The following NDUFA12 variants were observed in gnomAD, a reference collection of about 807,000 sequenced individuals.
NDUFA12 encodes NADH dehydrogenase [ubiquinone] 1 alpha subcomplex subunit 12.
NDUFA12 carries 17 observed loss-of-function variants against 20.3 expected under a neutral mutation model. The ratio of observed to expected loss-of-function variants is 0.84; its 90% confidence interval spans 0.57 to 1.26. The LOEUF (loss-of-function observed/expected upper bound fraction) is 1.26, where lower values mean the gene tolerates loss of function less well. NDUFA12 is among the 50% of genes most tolerant of loss of function. The probability of loss-of-function intolerance (pLI) is 0.00; values close to 1 mark genes in which losing one functional copy is unlikely to be tolerated. For synonymous variants in NDUFA12, 72 were observed against 63.6 expected (o/e 1.13, Z -0.63); for missense variants, 191 against 183.7 (o/e 1.04, Z -0.23).
At chr12:94,986,754 T>C (rs1874457641) in intron 3 of NDUFA12, among the ~76,000 whole-genome samples, 1 of 151,934 alleles carries the variant, frequency 6.6e-6, no homozygotes, top group South Asian at 2.1e-4. Flanking sequence ...AAAGCACCAG[T>C]GCACTCAGCC....
In NDUFA12 at chr12:94,991,227, T is replaced by G. The variant is rs190431555; in HGVS notation, c.257+2943A>C. Among the ~76,000 whole-genome samples the G allele has an allele frequency of 5.9e-5, 9 of 152,074 alleles. No individual in the cohort carries two copies. In the East Asian group the frequency reaches 7.8e-4, roughly 13 times the overall value. ...CTTGAGCCCAGGAAGTCGAGACTGA[T>G]TGTGCCATTGCTCTCCAGCCTGGGC... On this transcript the variant is annotated intron_variant, in intron 3 of 3. Coordinates refer to ENST00000327772, the MANE Select transcript of NDUFA12 (RefSeq NM_018838.5).
At chr12:94,993,462 T>A (rs962520724) in intron 3 of NDUFA12, among the ~76,000 whole-genome samples, 2 of 148,626 alleles carry the variant, frequency 1.3e-5, no homozygotes, top group Non-Finnish European at 3.0e-5. Context: ...CCATCTCTAC[T>A]AACAATACAA....
At chr12:95,000,398 C>T (rs1198967401) in intron 2 of NDUFA12, among the ~76,000 whole-genome samples, 2 of 152,106 alleles carry the variant, frequency 1.3e-5, no homozygotes, top group Non-Finnish European at 2.9e-5. Context: ...CAGAACTCAC[C>T]ACTAAAAAAC....
rs745366284 is a variant in NDUFA12, at chr12:94,994,100, G to C, written c.257+70C>G. 7.8e-4 allele frequency: 1,058 copies of C among 1,364,504 alleles called. 1 individual carries two copies. The highest frequency in any genetic ancestry group is 1.0e-3 in the Non-Finnish European group (980 of 966,062). The allele number at this position is 1,364,504 out of a possible 1,614,324, so 84.5% of individuals were successfully genotyped here. A position where few individuals can be genotyped will look rare whatever the true frequency, so the allele number is the denominator to read the frequency against. On this transcript the variant is annotated intron_variant, in intron 3 of 3. Coordinates refer to ENST00000327772, the MANE Select transcript of NDUFA12 (RefSeq NM_018838.5). ...GATCATGTCACTGCACTCCAGCCTGGGTGACAGAGTGAGACCCTGTCTCAA... is the reference window on the plus strand; with the variant it reads ...GATCATGTCACTGCACTCCAGCCTGCGTGACAGAGTGAGACCCTGTCTCAA...
intron 3 of NDUFA12, among the ~76,000 whole-genome samples, chr12:94,988,877 C>T (rs1874540435): frequency 1.3e-5 from 2 of 152,192 alleles, no homozygotes. Context: ...TGCTGATGCA[C>T]TCTCAGGGTT....
intron 3 of NDUFA12, 119 bp downstream of exon 3, chr12:94,994,051 G>C: frequency 1.2e-6 from 1 of 833,948 alleles, no homozygotes; most frequent in Non-Finnish European, 2.0e-6. Context: ...TTGAGCCTGG[G>C]AGGTCAAAGC....
At chr12:95,003,556 C>A in intron 1 of NDUFA12, 39 bp downstream of exon 1, 1 of 1,603,774 alleles carries the variant, frequency 6.2e-7, no homozygotes, top group South Asian at 1.1e-5. Context: ...CAGCGAAAGT[C>A]CAGCCCCAGA....
At chr12:94,991,660 G>GA (rs1874649345) in intron 3 of NDUFA12, among the ~76,000 whole-genome samples, 1 of 149,864 alleles carries the variant, frequency 6.7e-6, no homozygotes, top group African/African-American at 2.5e-5. Flanking sequence ...CTGGGAGGCG[G>GA]AAGTTGCAGT....
chr12:94,986,973 GAATT>G (rs1425266303), intron 3 of NDUFA12, among the ~76,000 whole-genome samples: 3 of 152,084 alleles, frequency 2.0e-5, no homozygotes, highest in African/African-American at 7.2e-5. Flanking sequence ...TACAAATAAT[GAATT>G]AAAGCTTTGA....
At position 95,003,660 on chromosome 12, in the gene NDUFA12, C is replaced by G; in HGVS notation, c.21G>C (p.Leu7=). The G allele has an allele frequency of 6.2e-7, 1 of 1,614,226 alleles. No homozygotes were observed. The highest frequency in any genetic ancestry group is 8.5e-7 in the Non-Finnish European group (1 of 1,180,050). Residue 7 remains leucine (L), a synonymous_variant, in exon 1 of 4, where the codon CTG becomes CTC. Transcript: ENST00000327772. The part of the protein sequence containing the change: MELVQV[L]KRGLQQITGH... ...CGGTGATCTGCTGCAGCCCGCGTTT[C>G]AGGACCTGCACTAACTCCATCTTGC... is the stretch of plus-strand genomic sequence containing the variant.
chr12:94,974,035 T>C lies in NDUFA12; in HGVS notation c.258-2415A>G, dbSNP rs748891969. Among the ~76,000 whole-genome samples the C allele has an allele frequency of 6.0e-4, 88 of 147,826 alleles. 1 individual carries two copies. In the Middle Eastern group the frequency reaches 0.018, roughly 30 times the overall value. ...GGCGCAGGCTGGAGTGCAGTGGTGA[T>C]ATCTTGGCTCACTGCAACCTCTGCC... On this transcript the variant is annotated intron_variant, in intron 3 of 3. Transcript: ENST00000327772.
At chr12:94,982,727 T>C (rs1459792374) in intron 3 of NDUFA12, among the ~76,000 whole-genome samples, 2 of 152,146 alleles carry the variant, frequency 1.3e-5, no homozygotes, top group African/African-American at 4.8e-5. Context: ...CAGGATTCCC[T>C]TTCCCACAGG....
At chr12:94,990,495 T>C (rs1455205311) in intron 3 of NDUFA12, among the ~76,000 whole-genome samples, 2 of 152,108 alleles carry the variant, frequency 1.3e-5, no homozygotes, top group African/African-American at 4.8e-5. Context: ...CAATCATACC[T>C]CCTTGCAACC....
chr12:95,002,640 C>T (rs184380517), intron 2 of NDUFA12, 99 bp downstream of exon 2: 13 of 847,336 alleles, frequency 1.5e-5, no homozygotes, highest in South Asian at 4.5e-5. Context: ...CATCCTTTTC[C>T]AGGTGTTTTG....
chr12:94,992,916 GTT>G (rs1299599529), intron 3 of NDUFA12, among the ~76,000 whole-genome samples: 1 of 152,148 alleles, frequency 6.6e-6, no homozygotes, highest in East Asian at 1.9e-4. Flanking sequence ...GAGAGAAACA[GTT>G]GTTGTTTTAA....
At chr12:94,987,057 A>G (rs1874468363) in intron 3 of NDUFA12, among the ~76,000 whole-genome samples, 1 of 152,210 alleles carries the variant, frequency 6.6e-6, no homozygotes, top group African/African-American at 2.4e-5. Flanking sequence ...CAAAGGGAAA[A>G]TTAGTAACTT....
intron 2 of NDUFA12, among the ~76,000 whole-genome samples, chr12:95,001,898 T>C (rs1355270194): frequency 2.0e-5 from 3 of 151,562 alleles, no homozygotes; most frequent in Non-Finnish European, 4.4e-5. Flanking sequence ...AGCGACTGGG[T>C]TTCACCACGT....
intron 3 of NDUFA12, among the ~76,000 whole-genome samples, chr12:94,974,025 G>C (rs1292843735): frequency 6.9e-6 from 1 of 145,436 alleles, no homozygotes; most frequent in Non-Finnish European, 1.5e-5. Flanking sequence ...AGGCTGGAGT[G>C]CAGTGGTGAT....
At chr12:94,975,973 G>T (rs912587986) in intron 3 of NDUFA12, among the ~76,000 whole-genome samples, 4 of 152,102 alleles carry the variant, frequency 2.6e-5, no homozygotes, top group African/African-American at 9.7e-5. Context: ...GAGCCCAGGA[G>T]TTCAAGGCTG....
Sources: allele counts gnomAD v4.1 joint callset (sites outside exome capture counted in the v4.1 genomes callset), GRCh38; gene constraint gnomAD v4.1.1; transcripts MANE v1.5; gene names NCBI Gene and HGNC (gene_info 2026-07-23, HGNC 2026-07-21).